The following AKAP3 variants were observed in gnomAD, a reference collection of about 807,000 sequenced individuals.
AKAP3 encodes A-kinase anchoring protein 3.
AKAP3 carries 27 observed loss-of-function variants against 57.2 expected under a neutral mutation model. The observed-to-expected ratio is 0.47, with a 90% confidence interval of 0.35 to 0.65. The LOEUF (loss-of-function observed/expected upper bound fraction) is 0.65, where lower values mean the gene tolerates loss of function less well. Among genes scored for constraint, AKAP3 ranks in the 30% least tolerant of loss-of-function variants. The probability of loss-of-function intolerance (pLI) is 0.01; values close to 1 mark genes in which losing one functional copy is unlikely to be tolerated. For missense variants in AKAP3, 959 were observed against 1,040.0 expected (o/e 0.92, Z 1.07); for synonymous variants, 334 against 392.3 (o/e 0.85, Z 1.76).
rs141858181 is a variant in AKAP3, at chr12:4,628,570, G to A, written c.332C>T (p.Pro111Leu). The change falls in exon 5 of 6, where the codon CCC becomes CTC. Residue 111 changes from proline to leucine, a missense_variant. By Grantham distance (98) the Pro-to-Leu change is moderately conservative (BLOSUM62 -3). Transcript: ENST00000228850. The part of the protein sequence containing the change: ...MTHKEIPCQG[P>L]RAQLGNGSSV... ...ACTCCCGTTGCCAAGTTGGGCCCTG[G>A]GGCCCTGGCAAGGAATCTCTTTGTG... 1.9e-4 allele frequency: 305 copies of A among 1,614,158 alleles called. No individual in the cohort carries two copies. The African/African-American group carries it at 3.7e-3, about 19-fold the overall frequency.
chr12:4,618,030 T>C (rs1945306584), intron 5 of AKAP3, among the ~76,000 whole-genome samples: 1 of 151,894 alleles, frequency 6.6e-6, no homozygotes, highest in Non-Finnish European at 1.5e-5. Context: ...TAAATTAAAA[T>C]GGAATACTAA....
chr12:4,623,990 CAT>C (rs3083730), intron 5 of AKAP3, among the ~76,000 whole-genome samples: 51,102 of 151,824 alleles, frequency 0.34, 9,016 homozygotes, highest in East Asian at 0.66. Context: ...AATTTGGAAA[CAT>C]GTATCAAATT....
intron 1 of AKAP3, among the ~76,000 whole-genome samples, chr12:4,646,205 ATTACT>A (rs1945696133): frequency 6.6e-6 from 1 of 152,168 alleles, no homozygotes; most frequent in Non-Finnish European, 1.5e-5. Flanking sequence ...TCTATGCTTT[ATTACT>A]ACATTCTCTG....
chr12:4,647,200 C>A (rs1175845864), intron 1 of AKAP3, among the ~76,000 whole-genome samples: 1 of 152,126 alleles, frequency 6.6e-6, no homozygotes, highest in Non-Finnish European at 1.5e-5. Context: ...CTACATATAG[C>A]ACTTTACGGG....
intron 1 of AKAP3, chr12:4,648,309 C>T (rs1565562272): frequency 1.3e-5 from 2 of 152,208 alleles, no homozygotes; most frequent in Non-Finnish European, 2.9e-5. Context: ...ACTAAATTTG[C>T]ATAATATTTC....
At position 4,628,193 on chromosome 12, in the gene AKAP3, TAGA is replaced by T. The variant is rs1463330667; in HGVS notation, c.706_708del (p.Ser236del). On this transcript the variant is annotated inframe_deletion, in exon 5 of 6. Transcript: ENST00000228850. ...ACTTCCTTATAGAAGAAAGACTTCTTAGAAGGAGGCTTGTCATCTGGACCCTGT... is the reference window on the plus strand; with the variant it reads ...ACTTCCTTATAGAAGAAAGACTTCTTAGGAGGCTTGTCATCTGGACCCTGT... 1.9e-6 allele frequency: 3 copies of T among 1,614,046 alleles called. No individual in the cohort carries two copies. The highest frequency in any genetic ancestry group is 2.5e-6 in the Non-Finnish European group (3 of 1,180,016).
intron 4 of AKAP3, among the ~76,000 whole-genome samples, chr12:4,636,975 G>C (rs887997095): frequency 6.6e-6 from 1 of 151,966 alleles, no homozygotes; most frequent in Non-Finnish European, 1.5e-5. Context: ...CCAACTCCTG[G>C]GCTCAAGCAA....
chr12:4,640,886 G>C (rs943437515), intron 3 of AKAP3, among the ~76,000 whole-genome samples: 1 of 151,964 alleles, frequency 6.6e-6, no homozygotes, highest in African/African-American at 2.4e-5. Context: ...GGGAAACTTA[G>C]GCATTCTTAA....
Position 4,642,751 on chromosome 12 carries a change from G to A in AKAP3, c.-106-747C>T, listed in dbSNP as rs149726447. 1.3e-3 allele frequency among the ~76,000 whole-genome samples: 194 copies of A among 152,276 alleles called. 2 individuals carry two copies. Among genetic ancestry groups the A allele is most frequent in the African/African-American group, 4.4e-3 (184 of 41,536 alleles). ...ATGTATTTCATTTTCTTTACTGGATGACTTCATAAGGGGAGAGGCATTTTC... is the reference window on the plus strand; with the variant it reads ...ATGTATTTCATTTTCTTTACTGGATAACTTCATAAGGGGAGAGGCATTTTC... On this transcript the variant is annotated intron_variant, in intron 2 of 5. Coordinates refer to ENST00000228850, the MANE Select transcript of AKAP3 (RefSeq NM_001278309.2).
chr12:4,635,937 T>A, intron 4 of AKAP3: 1 of 874,414 alleles, frequency 1.1e-6, no homozygotes, highest in Non-Finnish European at 1.9e-6. Flanking sequence ...CACTAGCAGT[T>A]GGTTTTCTTT....
chr12:4,634,531 G>A (rs1358630880), intron 4 of AKAP3, among the ~76,000 whole-genome samples: 1 of 151,992 alleles, frequency 6.6e-6, no homozygotes, highest in African/African-American at 2.4e-5. Context: ...TGTCACAAGC[G>A]AACAAAAGTC....
At chr12:4,638,491 C>T (rs1253759889) in intron 3 of AKAP3, among the ~76,000 whole-genome samples, 1 of 152,090 alleles carries the variant, frequency 6.6e-6, no homozygotes, top group Admixed American at 6.6e-5. Context: ...CAGCCATGTC[C>T]CGCCCCTTTA....
At chr12:4,632,674 T>C (rs1945512838) in intron 4 of AKAP3, among the ~76,000 whole-genome samples, 1 of 152,200 alleles carries the variant, frequency 6.6e-6, no homozygotes, top group African/African-American at 2.4e-5. Context: ...AGAGTCTTGC[T>C]CTGTCACCCA....
At chr12:4,632,383 C>G (rs1053921591) in intron 4 of AKAP3, among the ~76,000 whole-genome samples, 1 of 152,106 alleles carries the variant, frequency 6.6e-6, no homozygotes, top group Non-Finnish European at 1.5e-5. Context: ...CAATTATATA[C>G]CCCTCACCCT....
intron 4 of AKAP3, chr12:4,631,189 G>T (rs556964711): frequency 3.8e-6 from 2 of 531,996 alleles, no homozygotes; most frequent in South Asian, 2.7e-5. Flanking sequence ...TGGCAGCAAT[G>T]ATTGGAAATT....
At chr12:4,619,070 G>A (rs539504246) in intron 5 of AKAP3, among the ~76,000 whole-genome samples, 4 of 152,232 alleles carry the variant, frequency 2.6e-5, no homozygotes, top group South Asian at 2.1e-4. Flanking sequence ...ACGGAATAAC[G>A]TGCTCAATAT....
chr12:4,647,731 A>G (rs2137455687), intron 1 of AKAP3: 1 of 152,338 alleles, frequency 6.6e-6, no homozygotes, highest in Non-Finnish European at 1.5e-5. Flanking sequence ...AAATTGTGTT[A>G]AGTGAACATA....
rs1441025589 is a variant in AKAP3 at position 4,638,204 on chromosome 12, C to A, written c.1-8G>T. ...GTCAACCTTTTCTGACATCTGGAAGCAGGGGAAAAAAATGAGAAAGGGTCA... is the reference window on the plus strand; with the variant it reads ...GTCAACCTTTTCTGACATCTGGAAGAAGGGGAAAAAAATGAGAAAGGGTCA... On this transcript the variant is annotated splice_polypyrimidine_tract_variant and splice_region_variant and intron_variant, in intron 3 of 5. Transcript: ENST00000228850. 14 of 1,588,276 alleles carry A rather than the reference C, an allele frequency of 8.8e-6. No individual in the cohort carries two copies. The highest frequency in any genetic ancestry group is 1.1e-5 in the South Asian group (1 of 87,632).
chr12:4,634,551 C>T (rs756366424), intron 4 of AKAP3, among the ~76,000 whole-genome samples: 43 of 152,300 alleles, frequency 2.8e-4, no homozygotes, highest in Non-Finnish European at 1.0e-4. Context: ...CCCCTCCCTG[C>T]ACCAAACAAC....
Sources: gnomAD v4.1 joint callset for allele counts (sites outside exome capture counted in the v4.1 genomes callset) on GRCh38, gnomAD v4.1.1 for gene constraint, MANE v1.5 for transcripts, NCBI Gene and HGNC (gene_info 2026-07-23, HGNC 2026-07-21) for gene names.